Variants in CRTC1 observed in about 807,000 individuals in gnomAD.
The protein encoded by CRTC1 is CREB-regulated transcription coactivator 1.
Under a neutral mutation model 66.1 loss-of-function variants are expected in CRTC1, and 18 were observed. The ratio of observed to expected loss-of-function variants is 0.27; its 90% CI spans 0.19 to 0.40. CRTC1 has a LOEUF of 0.40. CRTC1 is among the 10% of genes least tolerant of loss of function. The pLI is 1.00. For synonymous variants in CRTC1, 416 were observed against 398.8 expected, an observed-to-expected ratio of 1.04 and a Z score of -0.51; for missense variants, 669 against 887.9, an observed-to-expected ratio of 0.75 and a Z score of 3.13.
At chr19:18,733,087 T>TAA (rs113328472) in intron 1 of CRTC1, among the ~76,000 whole-genome samples, 3,980 of 143,666 alleles carry the variant, frequency 0.028, 186 homozygotes, top group African/African-American at 0.097. Context: ...ACCTGTCTCT[T>TAA]AAAAAAAAAA....
intron 6 of CRTC1, among the ~76,000 whole-genome samples, chr19:18,757,426 CTCTG>C (rs1568528653): frequency 6.6e-6 from 1 of 152,230 alleles, no homozygotes; most frequent in African/African-American, 2.4e-5. Flanking sequence ...ACTCACCGGC[CTCTG>C]TCTGTGAGCG....
At chr19:18,726,251 C>A (rs1055598868) in intron 1 of CRTC1, among the ~76,000 whole-genome samples, 5 of 152,274 alleles carry the variant, frequency 3.3e-5, no homozygotes, top group Admixed American at 1.3e-4. Context: ...TCCCAGCCAC[C>A]TGCCTCTCAG....
intron 1 of CRTC1, among the ~76,000 whole-genome samples, chr19:18,702,085 G>A (rs989745871): frequency 6.6e-6 from 1 of 151,168 alleles, no homozygotes; most frequent in Middle Eastern, 3.2e-3. Context: ...CACCACACCC[G>A]GCTAATTTTG....
intron 5 of CRTC1, among the ~76,000 whole-genome samples, chr19:18,750,448 C>G (rs546289768): frequency 2.6e-4 from 40 of 152,354 alleles, no homozygotes; most frequent in African/African-American, 9.1e-4. Flanking sequence ...GATCTGTACC[C>G]AGGTCCTTGG....
At chr19:18,714,852 C>T (rs113413655) in intron 1 of CRTC1, among the ~76,000 whole-genome samples, 15 of 152,340 alleles carry the variant, frequency 9.8e-5, no homozygotes, top group African/African-American at 3.6e-4. Flanking sequence ...CTCCCTTGCC[C>T]TCCCTCAGCC....
At chr19:18,775,088 C>A in intron 12 of CRTC1, 102 bp downstream of exon 12, 2 of 1,171,752 alleles carry the variant, frequency 1.7e-6, no homozygotes, top group Non-Finnish European at 2.4e-6. Flanking sequence ...TGCACGTGCT[C>A]GGGGGGCCCG....
chr19:18,741,035 A>C lies in CRTC1; in HGVS notation c.127-1875A>C, dbSNP rs1427452249. The stretch of plus-strand genomic sequence containing the variant: ...AACAAACAAACAACAACAACAACAA[A>C]AAAGAAAAGCAGAGTCCCCACTCAG... On this transcript the variant is annotated intron_variant, in intron 1 of 13. Coordinates refer to ENST00000321949, the MANE Select transcript of CRTC1 (RefSeq NM_015321.3). The surrounding 1 kb of genome is among the most constrained non-coding windows in gnomAD (Gnocchi z 4.2). 4.6e-5 allele frequency among the ~76,000 whole-genome samples: 7 copies of C among 152,236 alleles called. No individual in the cohort carries two copies. Among genetic ancestry groups the C allele is most frequent in the Admixed American group, 6.5e-5 (1 of 15,300 alleles).
At chr19:18,726,213 G>T (rs551899413) in intron 1 of CRTC1, among the ~76,000 whole-genome samples, 1 of 152,246 alleles carries the variant, frequency 6.6e-6, no homozygotes, top group Non-Finnish European at 1.5e-5. Context: ...GGCACTCGGC[G>T]GACGCTGCCA....
At chr19:18,693,838 A>T (rs1192293266) in intron 1 of CRTC1, among the ~76,000 whole-genome samples, 1 of 151,638 alleles carries the variant, frequency 6.6e-6, no homozygotes, top group Non-Finnish European at 1.5e-5. Flanking sequence ...CTAATATGAA[A>T]ATTAGCCTGG....
At chr19:18,728,061 G>A (rs974306940) in intron 1 of CRTC1, among the ~76,000 whole-genome samples, 1 of 152,084 alleles carries the variant, frequency 6.6e-6, no homozygotes, top group Admixed American at 6.6e-5. Context: ...AGCTGTGCGG[G>A]AAACATCTCT....
chr19:18,687,501 A>C (rs535984184), intron 1 of CRTC1, among the ~76,000 whole-genome samples: 25 of 152,304 alleles, frequency 1.6e-4, no homozygotes, highest in Admixed American at 1.5e-3. Flanking sequence ...TGCACAGTCC[A>C]AGTGGCATGT....
At chr19:18,775,186 G>T (rs1329112869) in intron 12 of CRTC1, among the ~76,000 whole-genome samples, 200 bp downstream of exon 12, 1 of 152,252 alleles carries the variant, frequency 6.6e-6, no homozygotes, top group Admixed American at 6.5e-5. Context: ...GTGGCCTAGC[G>T]CTGCCTCCCC....
chr19:18,743,161 C>G (rs1020411596), intron 2 of CRTC1, 135 bp downstream of exon 2: 1 of 726,390 alleles, frequency 1.4e-6, no homozygotes, highest in Non-Finnish European at 2.3e-6. Flanking sequence ...TTCTCCTTGT[C>G]TGCCCTGGGA....
At chr19:18,687,805 A>G (rs2052721470) in intron 1 of CRTC1, among the ~76,000 whole-genome samples, 1 of 151,966 alleles carries the variant, frequency 6.6e-6, no homozygotes, top group Admixed American at 6.6e-5. Flanking sequence ...GGGCACAAGC[A>G]CTGAAGGGTT....
chr19:18,779,969 C>T lies in CRTC1; in HGVS notation c.*2587C>T, dbSNP rs1038240693. The T allele has an allele frequency of 2.6e-5, 6 of 229,486 alleles. No individual in the cohort carries two copies. Among genetic ancestry groups the T allele is most frequent in the Non-Finnish European group, 5.2e-5 (6 of 115,716 alleles). 14.2% of individuals were successfully genotyped at this position (229,486 alleles called of 1,614,324 possible). A position where few individuals can be genotyped will look rare whatever the true frequency, so the allele number is the denominator to read the frequency against. ...GGCGGGCCTCCCAGGGGGTCTGTATCACGGCCTTTTGTGTGTGCGTACGTG... is the reference window on the plus strand; with the variant it reads ...GGCGGGCCTCCCAGGGGGTCTGTATTACGGCCTTTTGTGTGTGCGTACGTG... On this transcript the variant is annotated 3_prime_UTR_variant, in exon 14 of 14. Coordinates refer to ENST00000321949, the MANE Select transcript of CRTC1 (RefSeq NM_015321.3).
chr19:18,705,075 T>G (rs371145194), intron 1 of CRTC1, among the ~76,000 whole-genome samples: 4 of 152,184 alleles, frequency 2.6e-5, no homozygotes, highest in South Asian at 4.1e-4. Flanking sequence ...CTGAGCATAA[T>G]GTCCTCAAGG....
intron 5 of CRTC1, among the ~76,000 whole-genome samples, chr19:18,752,399 GC>G (rs2054384315): frequency 6.6e-6 from 1 of 152,130 alleles, no homozygotes. Context: ...ACTCGCTGCA[GC>G]CTCTACCTCT....
At chr19:18,753,275 CTAAATAAATAAA>C (rs59575360) in intron 5 of CRTC1, among the ~76,000 whole-genome samples, 12 of 146,068 alleles carry the variant, frequency 8.2e-5, no homozygotes, top group South Asian at 2.3e-4. Flanking sequence ...GACTCCGTCT[CTAAATAAATAAA>C]TAAATAAATA....
rs60907638 is a variant in CRTC1 at position 18,727,580 on chromosome 19, C to CA, written c.127-15313dup. Among the ~76,000 whole-genome samples the CA allele has an allele frequency of 1.8e-3, 93 of 51,722 alleles. 3 individuals carry two copies. The highest frequency in any genetic ancestry group is 5.5e-3 in the East Asian group (7 of 1,274). 33.9% of individuals were successfully genotyped at this position (51,722 alleles called of 152,430 possible). ...TGGGTGACAGAGCAAGACTCTGTCTCAAAAAAAAAAAAAAAAAGAAGAAGA... is the reference window on the plus strand; with the variant it reads ...TGGGTGACAGAGCAAGACTCTGTCTCAAAAAAAAAAAAAAAAAAGAAGAAGA... On this transcript the variant is annotated intron_variant, in intron 1 of 13. Transcript: ENST00000321949.
Sources: gnomAD v4.1 joint callset for allele counts (sites outside exome capture counted in the v4.1 genomes callset) on GRCh38, gnomAD v4.1.1 for gene constraint, Gnocchi (gnomAD v3.1) non-coding constraint, MANE v1.5 for transcripts, NCBI Gene and HGNC (gene_info 2026-07-23, HGNC 2026-07-21) for gene names.